CPNE8: variants seen among roughly 807,000 people sequenced by gnomAD.
CPNE8 encodes the protein copine-8.
Under a neutral mutation model 81.5 loss-of-function variants are expected in CPNE8, and 45 were observed. That is an observed-to-expected ratio of 0.55 (90% CI 0.44 to 0.71). The LOEUF is 0.71. CPNE8 is among the 30% of genes least tolerant of loss of function. CPNE8 has a pLI of 0.00. For synonymous variants in CPNE8, 252 were observed against 226.3 expected, an observed-to-expected ratio of 1.11 and a Z score of -1.02; for missense variants, 594 against 672.1, an observed-to-expected ratio of 0.88 and a Z score of 1.28.
intron 4 of CPNE8, among the ~76,000 whole-genome samples, chr12:38,844,992 G>C (rs771526989): frequency 1.3e-5 from 2 of 151,876 alleles, no homozygotes; most frequent in Non-Finnish European, 2.9e-5. Context: ...ACAAAATGAG[G>C]TCATTTTTGT....
chr12:38,806,897 CA>C (rs1383141920), intron 6 of CPNE8, among the ~76,000 whole-genome samples: 1 of 151,292 alleles, frequency 6.6e-6, no homozygotes, highest in Admixed American at 6.6e-5. Context: ...TAAGCAACTT[CA>C]GCAGTCTCAG....
chr12:38,903,161 G>T (rs1208410220), intron 1 of CPNE8, among the ~76,000 whole-genome samples: 1 of 152,090 alleles, frequency 6.6e-6, no homozygotes, highest in Non-Finnish European at 1.5e-5. Flanking sequence ...CTATTCCAAA[G>T]GCACTAACTT....
chr12:38,707,843 A>AT (rs1387578549), intron 13 of CPNE8, among the ~76,000 whole-genome samples: 1 of 152,170 alleles, frequency 6.6e-6, no homozygotes, highest in Non-Finnish European at 1.5e-5. Context: ...CACCATTGAG[A>AT]TTTTTCTACT....
intron 2 of CPNE8, 45 bp downstream of exon 2, chr12:38,874,426 T>C: frequency 1.4e-6 from 2 of 1,431,108 alleles, no homozygotes; most frequent in Non-Finnish European, 2.0e-6. Context: ...CTACAACTTT[T>C]GCAAAATCAA....
intron 10 of CPNE8, among the ~76,000 whole-genome samples, chr12:38,755,998 C>T (rs1480160313): frequency 7.0e-6 from 1 of 143,590 alleles, no homozygotes; most frequent in African/African-American, 2.5e-5. Flanking sequence ...CGAGATCCCG[C>T]CACTGCACTC....
At chr12:38,793,349 C>T (rs1331523413) in intron 6 of CPNE8, among the ~76,000 whole-genome samples, 1 of 151,592 alleles carries the variant, frequency 6.6e-6, no homozygotes, top group East Asian at 1.9e-4. Context: ...CACACACACA[C>T]ACACACTGTT....
intron 5 of CPNE8, among the ~76,000 whole-genome samples, chr12:38,838,565 T>C (rs1207847366): frequency 1.3e-5 from 2 of 152,182 alleles, no homozygotes; most frequent in Admixed American, 6.5e-5. Flanking sequence ...TTTGCAAAAC[T>C]TCCAATATAA....
intron 10 of CPNE8, among the ~76,000 whole-genome samples, chr12:38,754,468 T>C (rs912324480): frequency 1.3e-5 from 2 of 152,036 alleles, no homozygotes; most frequent in Non-Finnish European, 2.9e-5. Flanking sequence ...TGTATAAAGA[T>C]TGAAGTTTTT....
intron 10 of CPNE8, among the ~76,000 whole-genome samples, chr12:38,736,691 C>T (rs1940961484): frequency 6.6e-6 from 1 of 151,892 alleles, no homozygotes; most frequent in South Asian, 2.1e-4. Context: ...GCTGAATGCA[C>T]CAGAATATTG....
chr12:38,808,616 G>T (rs965975803), intron 6 of CPNE8, among the ~76,000 whole-genome samples: 3 of 109,604 alleles, frequency 2.7e-5, no homozygotes, highest in African/African-American at 7.0e-5. Context: ...GGTGGGGGGA[G>T]GGGGGAGGGA....
At chr12:38,832,071 C>T (rs1359953673) in intron 5 of CPNE8, among the ~76,000 whole-genome samples, 1 of 152,108 alleles carries the variant, frequency 6.6e-6, no homozygotes, top group Non-Finnish European at 1.5e-5. Context: ...AAAACGTGCA[C>T]CAAAAAGCTA....
At chr12:38,662,361 G>A (rs1392332441) in intron 19 of CPNE8, among the ~76,000 whole-genome samples, 1 of 151,864 alleles carries the variant, frequency 6.6e-6, no homozygotes, top group Non-Finnish European at 1.5e-5. Context: ...TTATACCAAT[G>A]GCAAACTAGC....
At chr12:38,905,652 G>A, upstream of CPNE8, 1 of 1,494,028 alleles carries the variant, frequency 6.7e-7, no homozygotes, top group East Asian at 2.5e-5. Context: ...GAAGGAGGCG[G>A]AGGCAGCGCG....
rs564508713 is a variant in CPNE8, at chr12:38,665,798, A to C, written c.1506+4931T>G. Among the ~76,000 whole-genome samples the C allele has an allele frequency of 8.5e-5, 13 of 152,326 alleles. No homozygotes were observed. In the South Asian group the frequency reaches 2.5e-3, roughly 29 times the overall value. ...GTATATTGACTTATGACAAGGTAGT[A>C]AGCTTTATTTGTGATTAAGTCTCAT... is the stretch of plus-strand genomic sequence containing the variant. On this transcript the variant is annotated intron_variant, in intron 19 of 19. Coordinates refer to ENST00000331366, the MANE Select transcript of CPNE8 (RefSeq NM_153634.3).
At chr12:38,851,870 C>G (rs139763337) in intron 3 of CPNE8, among the ~76,000 whole-genome samples, 69 of 152,268 alleles carry the variant, frequency 4.5e-4, no homozygotes, top group African/African-American at 1.2e-3. Flanking sequence ...TCTCTTTGCT[C>G]CAGCCTCCTG....
intron 1 of CPNE8, among the ~76,000 whole-genome samples, chr12:38,883,016 C>A (rs1249114848): frequency 1.3e-5 from 2 of 152,174 alleles, no homozygotes; most frequent in Non-Finnish European, 2.9e-5. Context: ...CCCCATCACA[C>A]TCAACAAGAA....
intron 3 of CPNE8, among the ~76,000 whole-genome samples, chr12:38,852,096 C>T (rs777764745): frequency 6.6e-6 from 1 of 152,058 alleles, no homozygotes; most frequent in Non-Finnish European, 1.5e-5. Flanking sequence ...ACCTGTCTTC[C>T]CCCTTAATAA....
At chr12:38,906,397 C>G, upstream of CPNE8, 1 of 985,548 alleles carries the variant, frequency 1.0e-6, no homozygotes, top group Non-Finnish European at 1.2e-6. Context: ...AATCTGGATT[C>G]TGTCTCCCCT....
chr12:38,902,890 T>A (rs763881333), intron 1 of CPNE8, among the ~76,000 whole-genome samples: 1 of 152,178 alleles, frequency 6.6e-6, no homozygotes, highest in South Asian at 2.1e-4. Flanking sequence ...ATCACCTTGA[T>A]AACACTCTAT....
Sources: gnomAD v4.1 joint callset for allele counts (sites outside exome capture counted in the v4.1 genomes callset) on GRCh38, gnomAD v4.1.1 for gene constraint, MANE v1.5 for transcripts, NCBI Gene and HGNC (gene_info 2026-07-23, HGNC 2026-07-21) for gene names.